Variants in SV2C observed in about 807,000 individuals in gnomAD.
SV2C encodes solute carrier family 22 member B3.
In SV2C, 49 loss-of-function variants were observed where a neutral mutation model predicts 79.7. The ratio of observed to expected loss-of-function variants is 0.61; its 90% CI spans 0.49 to 0.78. SV2C has a LOEUF of 0.78. Ranked by LOEUF, SV2C falls within the 30% of genes least tolerant of loss-of-function variation. The pLI, the probability that SV2C is intolerant of heterozygous loss-of-function variation, is 0.00. For synonymous variants in SV2C, 334 were observed against 333.2 expected (o/e 1.00, Z -0.03); for missense variants, 833 against 912.9 (o/e 0.91, Z 1.13).
At chr5:76,021,557 C>T in the SV2C span, among the ~76,000 whole-genome samples, 1 of 152,146 alleles carries the variant, frequency 6.6e-6, no homozygotes, top group Non-Finnish European at 1.5e-5. Flanking sequence ...ATGCCTCACT[C>T]ATAGTAAGGG....
the SV2C span, among the ~76,000 whole-genome samples, chr5:75,949,907 A>G: frequency 6.6e-6 from 1 of 152,066 alleles, no homozygotes; most frequent in Non-Finnish European, 1.5e-5. Flanking sequence ...TATAGCCCAC[A>G]GGATTTCTTG....
In SV2C at chr5:76,113,945, T is replaced by C. The variant is rs971515050; in HGVS notation, c.-101-17705T>C. On this transcript the variant is annotated intron_variant, in intron 1 of 12. Transcript: ENST00000502798. ...ATACACACACACACACACACATATA[T>C]ACACATACACACCAGGCTTGTGGCA... 3.9e-5 allele frequency among the ~76,000 whole-genome samples: 6 copies of C among 152,012 alleles called. No individual in the cohort carries two copies. The East Asian group carries it at 7.7e-4, about 20-fold the overall frequency.
At chr5:76,309,461 A>G in intron 12 of SV2C, among the ~76,000 whole-genome samples, 1 of 151,966 alleles carries the variant, frequency 6.6e-6, no homozygotes, top group Non-Finnish European at 1.5e-5. Flanking sequence ...TTAGCCAGGC[A>G]TCGTGGCTGG....
At chr5:75,902,109 G>C in the SV2C span, among the ~76,000 whole-genome samples, 2,518 of 149,404 alleles carry the variant, frequency 0.017, 35 homozygotes, top group African/African-American at 0.044. Context: ...CCTGTGCCCA[G>C]TGTCTGGCAC....
At chr5:75,878,609 A>G in the SV2C span, among the ~76,000 whole-genome samples, 2 of 152,114 alleles carry the variant, frequency 1.3e-5, no homozygotes, top group Admixed American at 6.6e-5. Flanking sequence ...CCAATCTGTC[A>G]TAGCTGTTTT....
intron 12 of SV2C, among the ~76,000 whole-genome samples, chr5:76,305,225 G>A (rs555325412): frequency 5.9e-5 from 9 of 152,272 alleles, no homozygotes; most frequent in African/African-American, 2.2e-4. Context: ...TGACACTGGG[G>A]ATTACATTCT....
chr5:76,066,501 T>A, the SV2C span, among the ~76,000 whole-genome samples: 1 of 149,912 alleles, frequency 6.7e-6, no homozygotes, highest in Admixed American at 6.6e-5. Context: ...ACATACCTAA[T>A]GTAAATGATG....
chr5:76,300,027 C>G (rs1351688961), intron 10 of SV2C, among the ~76,000 whole-genome samples: 1 of 152,190 alleles, frequency 6.6e-6, no homozygotes, highest in East Asian at 1.9e-4. Flanking sequence ...TCTGTGCCCT[C>G]TAGTCTCATA....
the SV2C span, among the ~76,000 whole-genome samples, chr5:75,868,042 A>G: frequency 1.3e-5 from 2 of 152,238 alleles, no homozygotes; most frequent in Non-Finnish European, 2.9e-5. Context: ...TAAGCACAGG[A>G]TATGTGAGGA....
intron 12 of SV2C, among the ~76,000 whole-genome samples, chr5:76,319,934 C>G (rs969154041): frequency 5.3e-5 from 8 of 152,166 alleles, no homozygotes; most frequent in Non-Finnish European, 1.2e-4. Context: ...GCCATTTTCC[C>G]CGGAAGAATC....
chr5:76,224,327 T>C (rs1745178184), intron 4 of SV2C, among the ~76,000 whole-genome samples: 1 of 152,186 alleles, frequency 6.6e-6, no homozygotes, highest in Admixed American at 6.5e-5. Context: ...TCCTGCACAT[T>C]TTTATATTCT....
chr5:76,235,671 G>C (rs962575154), intron 4 of SV2C, among the ~76,000 whole-genome samples: 2 of 150,124 alleles, frequency 1.3e-5, no homozygotes, highest in Non-Finnish European at 2.9e-5. Flanking sequence ...CCTTTGCTTA[G>C]TGCAATAAAA....
intron 2 of SV2C, among the ~76,000 whole-genome samples, chr5:76,176,166 G>A (rs1036657616): frequency 6.6e-6 from 1 of 152,188 alleles, no homozygotes; most frequent in Non-Finnish European, 1.5e-5. Context: ...TTTAGTCTAA[G>A]TTGGGTTTTG....
chr5:76,212,247 G>A (rs1744787661), intron 4 of SV2C, among the ~76,000 whole-genome samples: 1 of 152,118 alleles, frequency 6.6e-6, no homozygotes, highest in African/African-American at 2.4e-5. Context: ...GTTTAAGAAG[G>A]TGAATAGGAA....
intron 12 of SV2C, among the ~76,000 whole-genome samples, chr5:76,315,562 A>G (rs1748594077): frequency 6.6e-6 from 1 of 152,198 alleles, no homozygotes; most frequent in African/African-American, 2.4e-5. Context: ...CTGGACCTAA[A>G]CAAGGCTAAT....
At chr5:76,338,637 TTTTC>T (rs1343588875), downstream of SV2C, among the ~76,000 whole-genome samples, 1 of 122,176 alleles carries the variant, frequency 8.2e-6, no homozygotes, top group Non-Finnish European at 1.6e-5. Context: ...AACCATAGTA[TTTTC>T]TTTTTCTTTT....
the SV2C span, among the ~76,000 whole-genome samples, chr5:76,036,211 G>T: frequency 2.0e-5 from 3 of 151,716 alleles, no homozygotes; most frequent in Non-Finnish European, 4.4e-5. Context: ...TTGCCAGTCT[G>T]TGTCTTTTAA....
At chr5:76,275,351 G>A (rs1328820296) in intron 4 of SV2C, among the ~76,000 whole-genome samples, 1 of 152,100 alleles carries the variant, frequency 6.6e-6, no homozygotes, top group Non-Finnish European at 1.5e-5. Flanking sequence ...GCTGGGCATG[G>A]TGGCGGGCGC....
At chr5:75,851,268 C>G in the SV2C span, among the ~76,000 whole-genome samples, 1 of 152,224 alleles carries the variant, frequency 6.6e-6, no homozygotes, top group African/African-American at 2.4e-5. Flanking sequence ...ATATTAGCCA[C>G]TAGCAGAAGT....
Sources: gnomAD v4.1 joint callset for allele counts (sites outside exome capture counted in the v4.1 genomes callset) on GRCh38, gnomAD v4.1.1 for gene constraint, MANE v1.5 for transcripts, NCBI Gene and HGNC (gene_info 2026-07-23, HGNC 2026-07-21) for gene names.